The following KCNH1 variants were observed in gnomAD, a reference collection of about 807,000 sequenced individuals.
KCNH1 encodes the protein potassium voltage-gated channel subfamily H member 1.
In KCNH1, 27 loss-of-function variants were observed where a neutral mutation model predicts 69.2. The observed-to-expected ratio is 0.39, with a 90% CI of 0.29 to 0.54. KCNH1 has a LOEUF of 0.54. Ranked by LOEUF, KCNH1 falls within the 20% of genes least tolerant of loss-of-function variation. KCNH1 has a pLI of 0.68. For missense variants in KCNH1, 798 were observed against 1,261.6 expected, an observed-to-expected ratio of 0.63 and a Z score of 5.57; for synonymous variants, 456 against 487.7, an observed-to-expected ratio of 0.93 and a Z score of 0.86.
In KCNH1 at chr1:210,889,992, C is replaced by T. The variant is rs1686709961; in HGVS notation, c.1462+29648G>A. Among the ~76,000 whole-genome samples the T allele has an allele frequency of 2.6e-5, 4 of 152,280 alleles. No individual in the cohort carries two copies. In the South Asian group the frequency reaches 8.3e-4, roughly 32 times the overall value. Reference sequence around the variant, plus strand: ...CCCAAAGTAATTCATAAATTCAATGCTATCCCCATCAAGCCACCATTGACT... The same window carrying T: ...CCCAAAGTAATTCATAAATTCAATGTTATCCCCATCAAGCCACCATTGACT... On this transcript the variant is annotated intron_variant, in intron 7 of 10. Transcript: ENST00000271751.
chr1:210,934,829 T>C (rs564554312), intron 6 of KCNH1, among the ~76,000 whole-genome samples: 4 of 152,010 alleles, frequency 2.6e-5, no homozygotes, highest in Non-Finnish European at 4.4e-5. Flanking sequence ...TTGTACACTA[T>C]TGGTGTACAA....
At chr1:210,694,865 A>G (rs1681604591) in intron 10 of KCNH1, among the ~76,000 whole-genome samples, 1 of 152,240 alleles carries the variant, frequency 6.6e-6, no homozygotes, top group African/African-American at 2.4e-5. Context: ...TGTATGAGAT[A>G]GTTGGTCCAC....
At chr1:211,001,317 GA>G (rs1283264274) in intron 6 of KCNH1, among the ~76,000 whole-genome samples, 2 of 151,838 alleles carry the variant, frequency 1.3e-5, no homozygotes, top group African/African-American at 2.4e-5. Flanking sequence ...AAATTTACAA[GA>G]AAAAAACAAA....
At chr1:210,953,667 C>T (rs924748943) in intron 6 of KCNH1, among the ~76,000 whole-genome samples, 2 of 152,114 alleles carry the variant, frequency 1.3e-5, no homozygotes, top group African/African-American at 2.4e-5. Flanking sequence ...AAATTTTAAT[C>T]GAATCCCGTC....
intron 3 of KCNH1, among the ~76,000 whole-genome samples, chr1:211,099,305 G>GT (rs900204868): frequency 1.7e-4 from 26 of 150,650 alleles, no homozygotes; most frequent in Admixed American, 4.0e-4. Flanking sequence ...TCTGTTGGGT[G>GT]TTTTTTTTTC....
intron 7 of KCNH1, among the ~76,000 whole-genome samples, chr1:210,846,729 T>A (rs1247260686): frequency 6.6e-6 from 1 of 151,702 alleles, no homozygotes; most frequent in South Asian, 2.1e-4. Flanking sequence ...AATTGACAAA[T>A]GGGATCTAAT....
In KCNH1 at chr1:210,683,242, G is replaced by A. The variant is rs776695107; in HGVS notation, c.*39C>T. 1.9e-6 allele frequency: 3 copies of A among 1,585,338 alleles called. No homozygotes were observed. The highest frequency in any genetic ancestry group is 2.6e-6 in the Non-Finnish European group (3 of 1,165,150). Reference sequence around the variant, plus strand: ...TAGGGGTGGTGGTGACGGCAGGGTTGGAGGTATCTGTCTCTGACTTTTTTT... The same window carrying A: ...TAGGGGTGGTGGTGACGGCAGGGTTAGAGGTATCTGTCTCTGACTTTTTTT... On this transcript the variant is annotated 3_prime_UTR_variant, in exon 11 of 11. Coordinates refer to ENST00000271751, the MANE Select transcript of KCNH1 (RefSeq NM_172362.3). The surrounding 1 kb of genome is among the most constrained non-coding windows in gnomAD (Gnocchi z 5.7).
chr1:211,059,751 AAG>A (rs200217736), intron 5 of KCNH1, among the ~76,000 whole-genome samples: 9 of 149,120 alleles, frequency 6.0e-5, no homozygotes, highest in Admixed American at 6.7e-5. Flanking sequence ...TCAAGAAAAA[AAG>A]AGTGAGAGAG....
At chr1:210,703,854 T>C (rs1480627128) in intron 10 of KCNH1, among the ~76,000 whole-genome samples, 1 of 152,176 alleles carries the variant, frequency 6.6e-6, no homozygotes, top group East Asian at 1.9e-4. Flanking sequence ...TTAATTATAC[T>C]GTGAATTGGC....
In KCNH1 at chr1:210,975,552, G is replaced by C. The variant is rs578015989; in HGVS notation, c.1032+43231C>G. Among the ~76,000 whole-genome samples the C allele has an allele frequency of 3.9e-5, 6 of 152,316 alleles. No homozygotes were observed. In the South Asian group the frequency reaches 1.2e-3, roughly 32 times the overall value. On this transcript the variant is annotated intron_variant, in intron 6 of 10. Transcript: ENST00000271751. ...TGGGGAAACTGGCTAGCCATATGTAGAAAGCTGAAACTGGATCCCTTCCTT... is the reference window on the plus strand; with the variant it reads ...TGGGGAAACTGGCTAGCCATATGTACAAAGCTGAAACTGGATCCCTTCCTT...
chr1:211,050,152 A>G (rs199830462), intron 5 of KCNH1, among the ~76,000 whole-genome samples: 1 of 149,352 alleles, frequency 6.7e-6, no homozygotes, highest in East Asian at 2.0e-4. Context: ...GCCAGCACCT[A>G]TATGTGTGTT....
rs543963390 is a variant in KCNH1 at position 210,966,677 on chromosome 1, C to T, written c.1033-46608G>A. 5.9e-5 allele frequency among the ~76,000 whole-genome samples: 9 copies of T among 152,298 alleles called. No homozygotes were observed. The South Asian group carries it at 1.0e-3, about 18-fold the overall frequency. On this transcript the variant is annotated intron_variant, in intron 6 of 10. Transcript: ENST00000271751. ...ATCAAAACCACGAGATACCATCTCA[C>T]GCCACTTAGAATGGCAATCATTAAA... is the stretch of plus-strand genomic sequence containing the variant.
intron 7 of KCNH1, among the ~76,000 whole-genome samples, chr1:210,816,195 C>T (rs1404958467): frequency 1.3e-5 from 2 of 152,154 alleles, no homozygotes; most frequent in Non-Finnish European, 2.9e-5. Context: ...TATTTTATAA[C>T]AAGAGAAGCC....
intron 7 of KCNH1, among the ~76,000 whole-genome samples, chr1:210,866,305 T>C (rs556957482): frequency 6.6e-6 from 1 of 152,222 alleles, no homozygotes; most frequent in Admixed American, 6.5e-5. Context: ...CTGCAAAAGA[T>C]ACCATCAAGC....
At chr1:210,766,551 C>G (rs900345936) in intron 10 of KCNH1, among the ~76,000 whole-genome samples, 1 of 152,022 alleles carries the variant, frequency 6.6e-6, no homozygotes, top group Non-Finnish European at 1.5e-5. Flanking sequence ...ATAATGAGAG[C>G]TACAAAGAGG....
chr1:210,995,797 A>C (rs1315365174), intron 6 of KCNH1, among the ~76,000 whole-genome samples: 1 of 152,202 alleles, frequency 6.6e-6, no homozygotes, highest in Non-Finnish European at 1.5e-5. Context: ...CATGTTTCTC[A>C]GCTTTTGGGA....
chr1:210,987,532 G>T (rs1477104895), intron 6 of KCNH1, among the ~76,000 whole-genome samples: 1 of 152,182 alleles, frequency 6.6e-6, no homozygotes, highest in Non-Finnish European at 1.5e-5. Context: ...GTCTGTTGGA[G>T]TTTGCTGGAA....
chr1:211,067,085 C>A (rs937324994), intron 5 of KCNH1, among the ~76,000 whole-genome samples: 1 of 152,194 alleles, frequency 6.6e-6, no homozygotes, highest in Non-Finnish European at 1.5e-5. Flanking sequence ...GAGAGAGAGG[C>A]CAGGCTGGCA....
At chr1:210,985,411 T>A (rs1023795965) in intron 6 of KCNH1, among the ~76,000 whole-genome samples, 22 of 152,250 alleles carry the variant, frequency 1.4e-4, no homozygotes, top group African/African-American at 5.3e-4. Flanking sequence ...CTTTCTCTTG[T>A]GGGCATGTAG....
Sources: allele counts gnomAD v4.1 joint callset (sites outside exome capture counted in the v4.1 genomes callset), GRCh38; gene constraint gnomAD v4.1.1; non-coding constraint Gnocchi (gnomAD v3.1); transcripts MANE v1.5; gene names NCBI Gene and HGNC (gene_info 2026-07-23, HGNC 2026-07-21).